VPS13A: variants seen among roughly 807,000 people sequenced by gnomAD.
VPS13A encodes intermembrane lipid transfer protein VPS13A.
A neutral mutation model predicts 390.9 loss-of-function variants in VPS13A; 264 were observed. The ratio of observed to expected loss-of-function variants is 0.68; its 90% CI spans 0.61 to 0.75. The LOEUF is 0.75. VPS13A is among the 30% of genes least tolerant of loss of function. VPS13A has a pLI of 0.00. For missense variants in VPS13A, 3,409 were observed against 3,733.9 expected, an observed-to-expected ratio of 0.91 and a Z score of 2.27; for synonymous variants, 1,231 against 1,227.1, an observed-to-expected ratio of 1.00 and a Z score of -0.07.
chr9:77,240,924 C>T (rs1341387282), intron 19 of VPS13A, among the ~76,000 whole-genome samples: 1 of 151,654 alleles, frequency 6.6e-6, no homozygotes, highest in Non-Finnish European at 1.5e-5. Flanking sequence ...TTTTTTTGTA[C>T]ATTATCTACC....
At chr9:77,377,953 A>C (rs1312465961) in intron 67 of VPS13A, among the ~76,000 whole-genome samples, 2 of 152,242 alleles carry the variant, frequency 1.3e-5, no homozygotes, top group East Asian at 3.8e-4. Context: ...TCACTAATGT[A>C]GTATATTACA....
intron 23 of VPS13A, among the ~76,000 whole-genome samples, chr9:77,260,898 ATATT>A (rs1293119576): frequency 6.6e-6 from 1 of 151,322 alleles, no homozygotes; most frequent in South Asian, 2.1e-4. Flanking sequence ...ATACATGTAT[ATATT>A]CATTTTTTTT....
At chr9:77,218,266 A>G (rs1337172837) in intron 10 of VPS13A, among the ~76,000 whole-genome samples, 2 of 151,938 alleles carry the variant, frequency 1.3e-5, no homozygotes, top group African/African-American at 4.8e-5. Flanking sequence ...GGCACCTGCC[A>G]CCATGCCCAG....
At chr9:77,303,978 T>C (rs896527705) in intron 34 of VPS13A, among the ~76,000 whole-genome samples, 1 of 152,118 alleles carries the variant, frequency 6.6e-6, no homozygotes, top group Non-Finnish European at 1.5e-5. Context: ...CCTCTTTTAC[T>C]AATCCACCTC....
intron 4 of VPS13A, 35 bp downstream of exon 4, chr9:77,205,443 A>T: frequency 9.9e-7 from 1 of 1,009,684 alleles, no homozygotes; most frequent in South Asian, 2.6e-5. Flanking sequence ...AATTTAAGTT[A>T]TTCTTTTTTA....
At position 77,325,955 on chromosome 9, in the gene VPS13A, AGT is replaced by A. The variant is rs375791652; in HGVS notation, c.5991+2732_5991+2733del. The stretch of plus-strand genomic sequence containing the variant: ...CTTTTTCTTCTTTCAGTAATCTCAC[AGT>A]GTGGATCTGCTGGTGATGAATTCTT... On this transcript the variant is annotated intron_variant, in intron 45 of 71. Coordinates refer to ENST00000360280, the MANE Select transcript of VPS13A (RefSeq NM_033305.3). Among the ~76,000 whole-genome samples the A allele has an allele frequency of 7.0e-3, 1,070 of 152,254 alleles. 13 individuals are homozygous for A. Among genetic ancestry groups the A allele is most frequent in the African/African-American group, 0.024 (998 of 41,544 alleles).
intron 69 of VPS13A, among the ~76,000 whole-genome samples, chr9:77,405,396 T>C (rs1834556881): frequency 6.6e-6 from 1 of 152,232 alleles, no homozygotes; most frequent in African/African-American, 2.4e-5. Context: ...TATTGGCTGA[T>C]AGTTGGTTCT....
chr9:77,264,348 T>C (rs1194374606), intron 23 of VPS13A, among the ~76,000 whole-genome samples: 1 of 152,196 alleles, frequency 6.6e-6, no homozygotes, highest in Non-Finnish European at 1.5e-5. Context: ...AATGATAACT[T>C]AATGGGGATA....
At chr9:77,368,401 A>C (rs1038687547) in intron 62 of VPS13A, among the ~76,000 whole-genome samples, 5 of 152,232 alleles carry the variant, frequency 3.3e-5, no homozygotes, top group Non-Finnish European at 5.9e-5. Flanking sequence ...ATAAAATATT[A>C]ACTAATTTAT....
chr9:77,324,264 G>A (rs1829891593), intron 45 of VPS13A, among the ~76,000 whole-genome samples: 1 of 152,146 alleles, frequency 6.6e-6, no homozygotes, highest in African/African-American at 2.4e-5. Context: ...CAATCTGGAT[G>A]TGTTTTATTT....
chr9:77,260,351 CTTT>C (rs750675055), intron 23 of VPS13A, 127 bp downstream of exon 23: 5,173 of 367,188 alleles, frequency 0.014, no homozygotes, highest in East Asian at 0.021. Context: ...AAGAAAATTA[CTTT>C]TTTTTTTTTT....
chr9:77,385,641 G>A (rs1293105691), intron 68 of VPS13A, among the ~76,000 whole-genome samples: 5 of 151,812 alleles, frequency 3.3e-5, no homozygotes, highest in African/African-American at 4.8e-5. Flanking sequence ...CATATCAGAC[G>A]TACTTTAAAA....
intron 5 of VPS13A, among the ~76,000 whole-genome samples, chr9:77,207,254 A>T (rs11145335): frequency 0.016 from 857 of 52,880 alleles, 27 homozygotes; most frequent in East Asian, 0.073. Flanking sequence ...TATATATATA[A>T]AACGTGTTAT....
intron 68 of VPS13A, among the ~76,000 whole-genome samples, chr9:77,391,142 A>G (rs1833881471): frequency 6.6e-6 from 1 of 152,176 alleles, no homozygotes; most frequent in Non-Finnish European, 1.5e-5. Context: ...ATTCTGATAC[A>G]GGACTCAACT....
chr9:77,253,361 A>G (rs1291985619), intron 22 of VPS13A, among the ~76,000 whole-genome samples: 1 of 152,122 alleles, frequency 6.6e-6, no homozygotes, highest in Non-Finnish European at 1.5e-5. Flanking sequence ...GCTGGAGTGC[A>G]GTGGCATGAT....
chr9:77,404,267 TAC>T (rs1274851295), intron 69 of VPS13A, among the ~76,000 whole-genome samples: 1 of 152,182 alleles, frequency 6.6e-6, no homozygotes, highest in Non-Finnish European at 1.5e-5. Context: ...CAGGTAGACA[TAC>T]ACACACATTT....
At chr9:77,302,782 A>C (rs1828458061) in intron 33 of VPS13A, 133 bp from the exon 34 acceptor site, 1 of 947,586 alleles carries the variant, frequency 1.1e-6, no homozygotes. Context: ...AGTCTGATAG[A>C]TATTTTCCCT....
chr9:77,264,227 G>T (rs534688417), intron 23 of VPS13A, among the ~76,000 whole-genome samples: 3 of 152,116 alleles, frequency 2.0e-5, no homozygotes, highest in Non-Finnish European at 4.4e-5. Context: ...GTCAGGTAGC[G>T]TGATGCCTCC....
chr9:77,325,757 T>G (rs750413029), intron 45 of VPS13A, among the ~76,000 whole-genome samples: 3 of 152,164 alleles, frequency 2.0e-5, no homozygotes, highest in Non-Finnish European at 4.4e-5. Context: ...GAATCAAAAC[T>G]TTAGACCAGT....
Sources: allele counts gnomAD v4.1 joint callset (sites outside exome capture counted in the v4.1 genomes callset), GRCh38; gene constraint gnomAD v4.1.1; transcripts MANE v1.5; gene names NCBI Gene and HGNC (gene_info 2026-07-23, HGNC 2026-07-21).